PDE4D: variants seen among roughly 807,000 people sequenced by gnomAD.
PDE4D encodes the protein 3',5'-cyclic-AMP phosphodiesterase 4D.
PDE4D carries 24 observed loss-of-function variants against 87.4 expected under a neutral mutation model. The observed-to-expected ratio is 0.27, with a 90% CI of 0.20 to 0.39. PDE4D has a LOEUF of 0.39. Ranked by LOEUF, PDE4D falls within the 10% of genes least tolerant of loss-of-function variation. PDE4D has a pLI of 1.00. For synonymous variants in PDE4D, 384 were observed against 383.2 expected (o/e 1.00, Z -0.02); for missense variants, 714 against 1,041.0 (o/e 0.69, Z 4.32).
intron 2 of PDE4D, among the ~76,000 whole-genome samples, chr5:60,006,481 T>C (rs1399783576): frequency 6.6e-6 from 1 of 151,924 alleles, no homozygotes; most frequent in Non-Finnish European, 1.5e-5. Context: ...AGTGTTTGCA[T>C]CACCATTTTA....
chr5:59,712,787 T>C (rs1174274082), intron 1 of PDE4D, among the ~76,000 whole-genome samples: 2 of 152,134 alleles, frequency 1.3e-5, no homozygotes, highest in African/African-American at 4.8e-5. Context: ...AGATTTATGT[T>C]TCAGGCATAA....
At chr5:59,299,444 T>G (rs1164605905) in intron 1 of PDE4D, among the ~76,000 whole-genome samples, 1 of 152,178 alleles carries the variant, frequency 6.6e-6, no homozygotes, top group African/African-American at 2.4e-5. Context: ...ACTTCCCTAC[T>G]CCTTTACTTA....
intron 1 of PDE4D, among the ~76,000 whole-genome samples, chr5:60,202,409 T>G (rs1742021445): frequency 6.6e-6 from 1 of 152,130 alleles, no homozygotes. Flanking sequence ...TCAAGTAATC[T>G]GCCTGCCTTG....
chr5:59,431,179 G>T (rs1215575467), intron 1 of PDE4D, among the ~76,000 whole-genome samples: 2 of 152,098 alleles, frequency 1.3e-5, no homozygotes, highest in East Asian at 3.9e-4. Flanking sequence ...TGGAATCATT[G>T]ATAGTGAATG....
chr5:59,574,126 ATT>A (rs1199727056), intron 1 of PDE4D, among the ~76,000 whole-genome samples: 792 of 4,920 alleles, frequency 0.16, 30 homozygotes, highest in African/African-American at 0.24. Flanking sequence ...ATAAATATAT[ATT>A]TATATATATA....
chr5:59,002,855 A>T (rs1750819698), intron 6 of PDE4D, among the ~76,000 whole-genome samples: 1 of 152,242 alleles, frequency 6.6e-6, no homozygotes, highest in African/African-American at 2.4e-5. Context: ...ATAAATAACC[A>T]GAACAGATAC....
intron 2 of PDE4D, among the ~76,000 whole-genome samples, chr5:60,132,997 G>C (rs915706807): frequency 6.6e-6 from 1 of 152,180 alleles, no homozygotes; most frequent in Non-Finnish European, 1.5e-5. Context: ...CCATAGTGTA[G>C]TCCATTGCCT....
At chr5:59,815,627 T>C (rs1349302313) in intron 1 of PDE4D, among the ~76,000 whole-genome samples, 1 of 152,192 alleles carries the variant, frequency 6.6e-6, no homozygotes, top group East Asian at 1.9e-4. Context: ...GCCATGCAAT[T>C]GTTAGCTAGT....
chr5:59,658,484 C>G (rs2150273539), intron 1 of PDE4D, among the ~76,000 whole-genome samples: 1 of 152,202 alleles, frequency 6.6e-6, no homozygotes, highest in East Asian at 1.9e-4. Flanking sequence ...TGGGTTCACG[C>G]CATTCTCCTG....
rs1049017530 is a variant in PDE4D at position 59,347,905 on chromosome 5, T to A, written c.456-131937A>T. 2.0e-5 allele frequency among the ~76,000 whole-genome samples: 3 copies of A among 152,146 alleles called. No homozygotes were observed. The East Asian group carries it at 5.8e-4, about 29-fold the overall frequency. On this transcript the variant is annotated intron_variant, in intron 1 of 14. Coordinates refer to ENST00000340635, the MANE Select transcript of PDE4D (RefSeq NM_001104631.2). The stretch of plus-strand genomic sequence containing the variant: ...TGTACTCACAGATGTATGGAATGGA[T>A]ATGCTTGAACTTATATGCAAATAAA...
chr5:60,108,834 C>T (rs901190967), intron 2 of PDE4D, among the ~76,000 whole-genome samples: 8 of 152,036 alleles, frequency 5.3e-5, no homozygotes, highest in Non-Finnish European at 1.0e-4. Context: ...TGGATCCCTT[C>T]CTTACACCTT....
chr5:59,444,946 C>T (rs1798144616), intron 1 of PDE4D, among the ~76,000 whole-genome samples: 1 of 152,176 alleles, frequency 6.6e-6, no homozygotes. Context: ...TACATTTCTT[C>T]CTGGTTCTGT....
intron 1 of PDE4D, among the ~76,000 whole-genome samples, chr5:59,565,550 C>A (rs1026722472): frequency 1.3e-5 from 2 of 152,066 alleles, no homozygotes; most frequent in Non-Finnish European, 2.9e-5. Flanking sequence ...ACCAAAAAAA[C>A]CCAGAAAGTT....
At chr5:59,017,167 G>C (rs1754184517) in intron 6 of PDE4D, among the ~76,000 whole-genome samples, 1 of 152,198 alleles carries the variant, frequency 6.6e-6, no homozygotes, top group Non-Finnish European at 1.5e-5. Flanking sequence ...TGGGTCCTGA[G>C]GGTATGAGCC....
At chr5:59,420,982 C>T (rs942399066) in intron 1 of PDE4D, among the ~76,000 whole-genome samples, 3 of 152,088 alleles carry the variant, frequency 2.0e-5, no homozygotes, top group Non-Finnish European at 4.4e-5. Flanking sequence ...TTGAGACCTC[C>T]GTACGCGTAT....
rs1309471572 is a variant in PDE4D, at chr5:59,446,143, CAT to C, written c.456-230177_456-230176del. On this transcript the variant is annotated intron_variant, in intron 1 of 14. Coordinates refer to ENST00000340635, the MANE Select transcript of PDE4D (RefSeq NM_001104631.2). ...TTGGTCATTGTGCTATATGTATACA[CAT>C]ATATTATATAACATATACAATCTTT... Among the ~76,000 whole-genome samples the C allele has an allele frequency of 2.6e-5, 4 of 152,066 alleles. No individual in the cohort carries two copies. In the East Asian group the frequency reaches 7.7e-4, roughly 29 times the overall value.
intron 1 of PDE4D, among the ~76,000 whole-genome samples, chr5:59,435,136 A>G (rs1431865983): frequency 1.3e-5 from 2 of 152,038 alleles, no homozygotes; most frequent in African/African-American, 4.8e-5. Flanking sequence ...CTTTCCCCCT[A>G]TGTTTTGCCT....
At chr5:59,095,010 A>G (rs535431730) in intron 5 of PDE4D, among the ~76,000 whole-genome samples, 78 of 152,188 alleles carry the variant, frequency 5.1e-4, no homozygotes, top group South Asian at 1.9e-3. Context: ...GAAAAAAAAA[A>G]GTACTATTTT....
At chr5:59,519,897 C>A (rs1295134698) in intron 1 of PDE4D, among the ~76,000 whole-genome samples, 1 of 132,488 alleles carries the variant, frequency 7.5e-6, no homozygotes, top group African/African-American at 3.4e-5. Context: ...AGTGTATCCA[C>A]CACCCCCCAA....
Sources: gnomAD v4.1 joint callset for allele counts (sites outside exome capture counted in the v4.1 genomes callset) on GRCh38, gnomAD v4.1.1 for gene constraint, MANE v1.5 for transcripts, NCBI Gene and HGNC (gene_info 2026-07-23, HGNC 2026-07-21) for gene names.